ZNF93: variants seen among roughly 807,000 people sequenced by gnomAD.
The protein encoded by ZNF93 is zinc finger protein 505.
In ZNF93, 29 loss-of-function variants were observed where a neutral mutation model predicts 45.0. The observed-to-expected ratio is 0.64, with a 90% CI of 0.48 to 0.88. ZNF93 has a LOEUF of 0.88. Among genes scored for constraint, ZNF93 ranks in the 40% least tolerant of loss-of-function variants. The probability of loss-of-function intolerance (pLI) is 0.00; values close to 1 mark genes in which losing one functional copy is unlikely to be tolerated. For synonymous variants in ZNF93, 223 were observed against 244.6 expected (o/e 0.91, Z 0.82); for missense variants, 578 against 724.0 (o/e 0.80, Z 2.31).
intron 3 of ZNF93, among the ~76,000 whole-genome samples, chr19:19,924,064 C>G (rs2063349471): frequency 6.6e-6 from 1 of 151,460 alleles, no homozygotes; most frequent in South Asian, 2.1e-4. Context: ...GGAACTGTCC[C>G]CTTCCTTCCT....
In ZNF93 at chr19:19,934,634, C is replaced by T; in HGVS notation, c.1679C>T (p.Thr560Ile). 1 of 1,613,832 alleles carries T rather than the reference C, an allele frequency of 6.2e-7. No individual in the cohort carries two copies. The highest frequency in any genetic ancestry group is 8.5e-7 in the Non-Finnish European group (1 of 1,179,924). ...CTTACTACACATAAGATACTTCATA[C>T]TGGAGAGAAACCTTATAGATGTAGA... Reference protein sequence around the residue: ...THLTTHKILHTGEKPYRCREC... With the variant: ...THLTTHKILHIGEKPYRCREC... Residue 560 changes from threonine (T) to isoleucine (I), a missense_variant, in exon 4 of 4, where the codon ACT becomes ATT. Coordinates refer to ENST00000343769, the MANE Select transcript of ZNF93 (RefSeq NM_031218.4).
At position 19,934,206 on chromosome 19, in the gene ZNF93, A is replaced by G; in HGVS notation, c.1251A>G (p.Arg417=). Reference sequence around the variant, plus strand: ...CCTCTACCCTTAGTTCACATAAGAGAAGTCATACTGGAGAGAAACCCTACA... The same window carrying G: ...CCTCTACCCTTAGTTCACATAAGAGGAGTCATACTGGAGAGAAACCCTACA... ...KYSSTLSSHK[R]SHTGEKPYKC... is the part of the protein sequence containing the mutation. Residue 417 remains arginine, a synonymous_variant, in exon 4 of 4, where the codon AGA becomes AGG. Transcript: ENST00000343769. 1 of 1,611,910 alleles carries G rather than the reference A, an allele frequency of 6.2e-7. No homozygotes were observed. Among genetic ancestry groups the G allele is most frequent in the African/African-American group, 1.3e-5 (1 of 74,898 alleles).
At chr19:19,915,156 T>C (rs2063319883) in intron 1 of ZNF93, 124 bp from the exon 2 acceptor site, 1 of 1,529,434 alleles carries the variant, frequency 6.5e-7, no homozygotes, top group Admixed American at 2.0e-5. Flanking sequence ...GATTATTTTA[T>C]TGGATAATTT....
At chr19:19,927,802 G>A (rs1225708035) in intron 3 of ZNF93, among the ~76,000 whole-genome samples, 3 of 152,208 alleles carry the variant, frequency 2.0e-5, no homozygotes, top group African/African-American at 7.2e-5. Flanking sequence ...AGGCTAAAGT[G>A]CAGTGGTGCA....
At chr19:19,901,593 A>T (rs2063271574) in intron 1 of ZNF93, among the ~76,000 whole-genome samples, 2 of 151,878 alleles carry the variant, frequency 1.3e-5, no homozygotes, top group East Asian at 3.9e-4. Context: ...TCCTCTTCAG[A>T]GACTCAACTT....
intron 3 of ZNF93, among the ~76,000 whole-genome samples, chr19:19,919,393 T>A (rs2063335744): frequency 6.6e-6 from 1 of 152,208 alleles, no homozygotes; most frequent in African/African-American, 2.4e-5. Flanking sequence ...GCATGATGCC[T>A]CCAGCTTTGT....
At chr19:19,910,486 T>G (rs914791187) in intron 1 of ZNF93, among the ~76,000 whole-genome samples, 10 of 152,276 alleles carry the variant, frequency 6.6e-5, no homozygotes, top group African/African-American at 2.2e-4. Context: ...ACAATCAACT[T>G]TGTATCAGCC....
chr19:19,909,545 ATTC>A (rs1336551324), intron 1 of ZNF93: 1 of 152,226 alleles, frequency 6.6e-6, no homozygotes, highest in African/African-American at 2.4e-5. Flanking sequence ...GGTGCTGAAA[ATTC>A]TTCTACTTGT....
At chr19:19,916,458 A>T (rs2063324017) in intron 2 of ZNF93, 102 bp from the exon 3 acceptor site, 1 of 903,898 alleles carries the variant, frequency 1.1e-6, no homozygotes, top group Admixed American at 2.4e-5. Flanking sequence ...TTTGGTATTA[A>T]TTTACTAGAA....
intron 1 of ZNF93, among the ~76,000 whole-genome samples, chr19:19,913,172 C>A (rs1004756068): frequency 6.6e-6 from 1 of 152,190 alleles, no homozygotes; most frequent in Non-Finnish European, 1.5e-5. Context: ...CATTCATAAA[C>A]CCTCTTCAAA....
intron 1 of ZNF93, among the ~76,000 whole-genome samples, chr19:19,902,899 G>A (rs2063279120): frequency 6.6e-6 from 1 of 151,774 alleles, no homozygotes; most frequent in South Asian, 2.1e-4. Flanking sequence ...ACCACGCCCG[G>A]CTAATTAAAA....
intron 1 of ZNF93, among the ~76,000 whole-genome samples, chr19:19,909,743 TACCAGAC>T (rs2063302567): frequency 1.3e-5 from 2 of 152,220 alleles, no homozygotes; most frequent in African/African-American, 4.8e-5. Flanking sequence ...TGTCTAGAAT[TACCAGAC>T]ATGATATAAA....
intron 3 of ZNF93, chr19:19,926,150 GCTCACTGCAACCTCCACCT>G (rs1171707907): frequency 6.7e-6 from 1 of 149,576 alleles, no homozygotes; most frequent in Non-Finnish European, 1.5e-5. Context: ...TGCGGTCTTG[GCTCACTGCAACCTCCACCT>G]CCAGGTTCAA....
At chr19:19,907,487 A>C (rs887421098) in intron 1 of ZNF93, among the ~76,000 whole-genome samples, 2 of 151,218 alleles carry the variant, frequency 1.3e-5, no homozygotes, top group African/African-American at 4.9e-5. Flanking sequence ...AACAATTAGC[A>C]TAGTTATGTG....
At chr19:19,928,763 A>G (rs2063363463) in intron 3 of ZNF93, among the ~76,000 whole-genome samples, 1 of 152,230 alleles carries the variant, frequency 6.6e-6, no homozygotes, top group Admixed American at 6.5e-5. Context: ...TTTGACACCA[A>G]TGGATCTCCC....
intron 3 of ZNF93, among the ~76,000 whole-genome samples, chr19:19,923,338 A>G (rs757019627): frequency 2.6e-4 from 40 of 152,148 alleles, no homozygotes; most frequent in African/African-American, 9.2e-4. Flanking sequence ...TGAGGTGTCA[A>G]TCTGCTCCTA....
Position 19,918,055 on chromosome 19 carries a change from G to C in ZNF93, c.226+1400G>C, listed in dbSNP as rs560259701. ...CATGTTGGTGTGCTGCACCCATTAAGTCGTCATTTACATTAGGTGTATCTC... is the reference window on the plus strand; with the variant it reads ...CATGTTGGTGTGCTGCACCCATTAACTCGTCATTTACATTAGGTGTATCTC... On this transcript the variant is annotated intron_variant, in intron 3 of 3. Transcript: ENST00000343769. 3.4e-4 allele frequency among the ~76,000 whole-genome samples: 52 copies of C among 151,530 alleles called. 1 individual carries two copies. The South Asian group carries it at 0.01, about 30-fold the overall frequency.
chr19:19,914,777 T>C, intron 1 of ZNF93: 1 of 389,418 alleles, frequency 2.6e-6, no homozygotes, highest in Non-Finnish European at 4.9e-6. Context: ...ACTTACTGGA[T>C]GTTTGACAAA....
At chr19:19,920,043 A>G (rs957120785) in intron 3 of ZNF93, among the ~76,000 whole-genome samples, 94 of 152,234 alleles carry the variant, frequency 6.2e-4, no homozygotes, top group African/African-American at 2.2e-3. Context: ...TTCAAAGGGA[A>G]TGCTTCCAGT....
Sources: gnomAD v4.1 joint callset for allele counts (sites outside exome capture counted in the v4.1 genomes callset) on GRCh38, gnomAD v4.1.1 for gene constraint, MANE v1.5 for transcripts, NCBI Gene and HGNC (gene_info 2026-07-23, HGNC 2026-07-21) for gene names.